POU6F2: variants seen among roughly 807,000 people sequenced by gnomAD.
POU6F2 encodes POU class 6 homeobox 2.
In POU6F2, 31 loss-of-function variants were observed where a neutral mutation model predicts 71.3. The observed-to-expected ratio is 0.43, with a 90% confidence interval of 0.33 to 0.59. POU6F2 has a LOEUF of 0.59. POU6F2 is among the 20% of genes least tolerant of loss of function. POU6F2 has a pLI of 0.04. For synonymous variants in POU6F2, 347 were observed against 355.7 expected (o/e 0.98, Z 0.27); for missense variants, 783 against 856.8 (o/e 0.91, Z 1.07).
chr7:39,334,056 G>A (rs1345395962), intron 4 of POU6F2, among the ~76,000 whole-genome samples: 1 of 152,298 alleles, frequency 6.6e-6, no homozygotes, highest in Non-Finnish European at 1.5e-5. Flanking sequence ...ACAATACAAG[G>A]AAATGTGTAG....
At chr7:39,137,656 A>G (rs1225929537) in intron 2 of POU6F2, among the ~76,000 whole-genome samples, 1 of 152,224 alleles carries the variant, frequency 6.6e-6, no homozygotes, top group African/African-American at 2.4e-5. Flanking sequence ...AAAAATAAAC[A>G]TTAAACACTC....
chr7:39,446,855 A>C lies in POU6F2; in HGVS notation c.1321-4678A>C, dbSNP rs1788534812. 2.0e-5 allele frequency among the ~76,000 whole-genome samples: 3 copies of C among 152,170 alleles called. No individual in the cohort carries two copies. The South Asian group carries it at 6.2e-4, about 31-fold the overall frequency. ...TTCTCCATGCTTTCAGCCTATTTAC[A>C]CTGGGCTCACAGCTCAAAAAAGGGC... On this transcript the variant is annotated intron_variant, in intron 7 of 9. Coordinates refer to ENST00000518318, the MANE Select transcript of POU6F2 (RefSeq NM_001370959.1).
chr7:39,239,667 A>G (rs1409025563), intron 4 of POU6F2, among the ~76,000 whole-genome samples: 5 of 152,158 alleles, frequency 3.3e-5, no homozygotes, highest in African/African-American at 9.7e-5. Context: ...TTACAACTGA[A>G]GAGCACTTAG....
At chr7:39,382,043 AAATAAT>A (rs3839694) in intron 5 of POU6F2, among the ~76,000 whole-genome samples, 30 of 150,400 alleles carry the variant, frequency 2.0e-4, no homozygotes, top group East Asian at 1.6e-3. Context: ...ACACACAAGC[AAATAAT>A]AATAATAATA....
intron 6 of POU6F2, among the ~76,000 whole-genome samples, chr7:39,428,002 T>C (rs1278778766): frequency 2.6e-5 from 4 of 152,228 alleles, no homozygotes; most frequent in African/African-American, 4.8e-5. Context: ...TCAACTAGAC[T>C]GAGGCACTTG....
chr7:38,989,754 GAGAC>G (rs1425996952), intron 1 of POU6F2, among the ~76,000 whole-genome samples: 2 of 151,832 alleles, frequency 1.3e-5, no homozygotes, highest in Non-Finnish European at 1.5e-5. Flanking sequence ...TATAGAAAGA[GAGAC>G]AGAGAGAGAG....
chr7:39,027,746 C>T (rs773088090), intron 1 of POU6F2, among the ~76,000 whole-genome samples: 6 of 152,182 alleles, frequency 3.9e-5, no homozygotes, highest in Admixed American at 1.3e-4. Flanking sequence ...ACATACACCT[C>T]GTGCTCCATC....
At chr7:39,430,537 G>A (rs763475201) in intron 6 of POU6F2, among the ~76,000 whole-genome samples, 9 of 152,254 alleles carry the variant, frequency 5.9e-5, no homozygotes, top group Non-Finnish European at 1.0e-4. Flanking sequence ...GCTTAAGGAA[G>A]AGGCTGATGA....
chr7:39,235,734 C>T (rs752078593), intron 4 of POU6F2, among the ~76,000 whole-genome samples: 3 of 152,188 alleles, frequency 2.0e-5, no homozygotes, highest in Non-Finnish European at 2.9e-5. Flanking sequence ...AGATAATTCA[C>T]CTTTGCAAAC....
At chr7:39,282,005 C>T (rs2128759933) in intron 4 of POU6F2, among the ~76,000 whole-genome samples, 1 of 152,094 alleles carries the variant, frequency 6.6e-6, no homozygotes, top group African/African-American at 2.4e-5. Context: ...GAAGTGGTAT[C>T]TCATTTTGGT....
At chr7:39,188,834 G>T (rs1373425826) in intron 2 of POU6F2, among the ~76,000 whole-genome samples, 1 of 152,184 alleles carries the variant, frequency 6.6e-6, no homozygotes, top group Non-Finnish European at 1.5e-5. Context: ...TCAGAATTAA[G>T]TCTAGACTGT....
chr7:39,345,947 A>T (rs2115647883), intron 5 of POU6F2, among the ~76,000 whole-genome samples: 1 of 152,362 alleles, frequency 6.6e-6, no homozygotes, highest in Admixed American at 6.5e-5. Context: ...TGAGGGCTTC[A>T]TTCATGATTC....
intron 6 of POU6F2, among the ~76,000 whole-genome samples, chr7:39,424,846 GC>G (rs1314514158): frequency 3.3e-5 from 5 of 151,588 alleles, no homozygotes; most frequent in Admixed American, 6.6e-5. Flanking sequence ...CACAACACCT[GC>G]CTCCAGAGTG....
intron 2 of POU6F2, among the ~76,000 whole-genome samples, chr7:39,151,337 G>A (rs1792755130): frequency 6.6e-6 from 1 of 152,140 alleles, no homozygotes; most frequent in Non-Finnish European, 1.5e-5. Context: ...TCCTAAAGTA[G>A]TTTTAGAGGT....
chr7:39,222,434 A>G (rs539905026), intron 4 of POU6F2, among the ~76,000 whole-genome samples: 1 of 152,292 alleles, frequency 6.6e-6, no homozygotes. Flanking sequence ...CATCTTAACC[A>G]TTTTTAAGTG....
chr7:39,074,443 G>A (rs1278046881), intron 1 of POU6F2, among the ~76,000 whole-genome samples: 1 of 151,712 alleles, frequency 6.6e-6, no homozygotes, highest in Non-Finnish European at 1.5e-5. Flanking sequence ...TCACGCCACT[G>A]CACTCCAGCC....
At chr7:39,260,383 T>A (rs62648699) in intron 4 of POU6F2, among the ~76,000 whole-genome samples, 137,052 of 150,938 alleles carry the variant, frequency 0.91, 62,192 homozygotes, top group Middle Eastern at 0.96. Context: ...ATTCCATACC[T>A]TGCTCACACC....
At chr7:39,376,428 A>C (rs1438384979) in intron 5 of POU6F2, among the ~76,000 whole-genome samples, 1 of 152,188 alleles carries the variant, frequency 6.6e-6, no homozygotes. Flanking sequence ...GGAGAGGAGC[A>C]CTGAGGCTAG....
intron 4 of POU6F2, among the ~76,000 whole-genome samples, chr7:39,213,940 G>A (rs571864478): frequency 2.0e-4 from 31 of 152,276 alleles, no homozygotes; most frequent in African/African-American, 6.3e-4. Flanking sequence ...TGAGGAAGTT[G>A]AGGAATATAC....
Sources: allele counts gnomAD v4.1 joint callset (sites outside exome capture counted in the v4.1 genomes callset), GRCh38; gene constraint gnomAD v4.1.1; transcripts MANE v1.5; gene names NCBI Gene and HGNC (gene_info 2026-07-23, HGNC 2026-07-21).